Variants in EYS observed in about 807,000 individuals in gnomAD.
EYS encodes protein eyes shut homolog.
EYS carries 250 observed loss-of-function variants against 282.1 expected under a neutral mutation model. That is an observed-to-expected ratio of 0.89 (90% CI 0.80 to 0.98). The LOEUF (loss-of-function observed/expected upper bound fraction) is 0.98. EYS is among the 50% of genes least tolerant of loss of function. The pLI is 0.00. For synonymous variants in EYS, 1,355 were observed against 1,282.9 expected, an observed-to-expected ratio of 1.06 and a Z score of -1.20; for missense variants, 4,016 against 3,709.0, an observed-to-expected ratio of 1.08 and a Z score of -2.15.
intron 11 of EYS, among the ~76,000 whole-genome samples, chr6:65,309,135 A>G (rs1241246424): frequency 2.0e-5 from 3 of 152,216 alleles, no homozygotes; most frequent in Non-Finnish European, 1.5e-5. Flanking sequence ...ACAGAATGTT[A>G]TGAGATAGCT....
intron 26 of EYS, among the ~76,000 whole-genome samples, chr6:64,467,386 A>G (rs981213112): frequency 2.0e-5 from 3 of 152,206 alleles, no homozygotes; most frequent in African/African-American, 4.8e-5. Context: ...AGAAAAATTT[A>G]ATTTTTTTAC....
At chr6:64,376,733 C>A (rs918476600) in intron 29 of EYS, among the ~76,000 whole-genome samples, 1 of 152,146 alleles carries the variant, frequency 6.6e-6, no homozygotes, top group Admixed American at 6.5e-5. Context: ...CTAATTGGTA[C>A]AAAAGTAGAT....
intron 1 of EYS, among the ~76,000 whole-genome samples, chr6:65,681,971 T>G (rs900654615): frequency 7.9e-5 from 12 of 152,052 alleles, no homozygotes; most frequent in African/African-American, 2.9e-4. Context: ...CACAGCCTAA[T>G]CACGTTGACC....
chr6:63,913,790 G>A (rs1384153666), intron 35 of EYS, among the ~76,000 whole-genome samples: 3 of 152,108 alleles, frequency 2.0e-5, no homozygotes, highest in Non-Finnish European at 2.9e-5. Context: ...GAATATTCAG[G>A]TACAGACATA....
At chr6:65,506,782 T>C (rs1766676596) in intron 2 of EYS, among the ~76,000 whole-genome samples, 1 of 152,050 alleles carries the variant, frequency 6.6e-6, no homozygotes, top group Admixed American at 6.6e-5. Context: ...ACAATATCCT[T>C]TTTTAACTAA....
chr6:64,585,168 C>A (rs533204234), intron 26 of EYS, among the ~76,000 whole-genome samples: 3 of 152,096 alleles, frequency 2.0e-5, no homozygotes, highest in African/African-American at 7.2e-5. Context: ...TCCTTGGCAG[C>A]AATAGGGATA....
At chr6:63,943,350 A>C (rs1045779046) in intron 35 of EYS, among the ~76,000 whole-genome samples, 2 of 152,212 alleles carry the variant, frequency 1.3e-5, no homozygotes, top group Non-Finnish European at 2.9e-5. Flanking sequence ...ATTTAATCAC[A>C]GAGTTGGTTG....
chr6:65,128,053 C>T (rs1423267227), intron 12 of EYS, among the ~76,000 whole-genome samples: 1 of 151,976 alleles, frequency 6.6e-6, no homozygotes, highest in Non-Finnish European at 1.5e-5. Context: ...GTAAGTAAAT[C>T]TGGTCTTCCA....
chr6:64,879,669 A>G (rs1165850632), intron 19 of EYS, among the ~76,000 whole-genome samples: 2 of 152,114 alleles, frequency 1.3e-5, no homozygotes, highest in Non-Finnish European at 2.9e-5. Context: ...AAATCCTCAA[A>G]TGAGCAAAAA....
At chr6:65,394,969 T>A (rs1410002102) in intron 7 of EYS, among the ~76,000 whole-genome samples, 1 of 152,160 alleles carries the variant, frequency 6.6e-6, no homozygotes, top group African/African-American at 2.4e-5. Flanking sequence ...GTCATAGTCA[T>A]AGCCAACCTT....
chr6:63,759,446 A>G lies in EYS; in HGVS notation c.8071+3015T>C, dbSNP rs1769576395. On this transcript the variant is annotated intron_variant, in intron 41 of 42. Coordinates refer to ENST00000503581, the MANE Select transcript of EYS (RefSeq NM_001142800.2). ...TGTTCATATAAACTTCAGAATTATTATATACATTTCACTTTCTCTCCGAGT... is the reference window on the plus strand; with the variant it reads ...TGTTCATATAAACTTCAGAATTATTGTATACATTTCACTTTCTCTCCGAGT... Among the ~76,000 whole-genome samples the G allele has an allele frequency of 3.3e-5, 5 of 152,146 alleles. No homozygotes were observed. In the South Asian group the frequency reaches 6.2e-4, roughly 19 times the overall value.
intron 12 of EYS, among the ~76,000 whole-genome samples, chr6:65,189,917 T>C (rs1562013099): frequency 6.6e-6 from 1 of 151,728 alleles, no homozygotes; most frequent in Non-Finnish European, 1.5e-5. Flanking sequence ...TCAAAACAAG[T>C]TGCAGACCAA....
In EYS at chr6:63,880,306, C is replaced by G. The variant is rs140323386; in HGVS notation, c.7056-15948G>C. ...TTCCAGCCTACATTTTTCTCCTGTG[C>G]TTGGATGCTTCCTGCCCTCAAACAT... is the stretch of plus-strand genomic sequence containing the variant. On this transcript the variant is annotated intron_variant, in intron 35 of 42. Coordinates refer to ENST00000503581, the MANE Select transcript of EYS (RefSeq NM_001142800.2). Among the ~76,000 whole-genome samples, 115 of 152,272 alleles carry G rather than the reference C, an allele frequency of 7.6e-4. 1 individual carries two copies. The East Asian group carries it at 0.019, about 25-fold the overall frequency.
chr6:65,190,567 C>T (rs1188481107), intron 12 of EYS, among the ~76,000 whole-genome samples: 1 of 151,470 alleles, frequency 6.6e-6, no homozygotes, highest in Non-Finnish European at 1.5e-5. Flanking sequence ...CTTCAGATGT[C>T]CCCAATTTTA....
chr6:65,453,933 T>G (rs1764506201), intron 5 of EYS, among the ~76,000 whole-genome samples: 1 of 151,958 alleles, frequency 6.6e-6, no homozygotes, highest in South Asian at 2.1e-4. Context: ...CGTCCCTTGT[T>G]GGACTTTTAG....
intron 13 of EYS, among the ~76,000 whole-genome samples, chr6:65,010,161 C>T (rs947078129): frequency 6.6e-6 from 1 of 152,204 alleles, no homozygotes; most frequent in South Asian, 2.1e-4. Context: ...AGTCCTTACA[C>T]AGGTCCGAGG....
rs1324005773 is a variant in EYS at position 64,591,693 on chromosome 6, G to A, written c.4174C>T (p.Pro1392Ser). Reference protein sequence around the residue: ...FFFPDRRARTPFIMSSLMSDF... With the variant: ...FFFPDRRARTSFIMSSLMSDF... ...GACATTAAGGAAGACATGATAAATG[G>A]GGTCCTTGCTCTCCTATCAGGAAAA... The change falls in exon 26 of 43, where the codon CCA becomes TCA. Residue 1392 changes from proline (P) to serine (S), a missense_variant. Pro to Ser is a moderately conservative substitution (Grantham distance 74). Transcript: ENST00000503581. 6.4e-7 allele frequency: 1 copy of A among 1,551,364 alleles called. No individual in the cohort carries two copies. Among genetic ancestry groups the A allele is most frequent in the Non-Finnish European group, 8.7e-7 (1 of 1,146,780 alleles).
chr6:63,969,009 G>C (rs1766432601), intron 35 of EYS, among the ~76,000 whole-genome samples: 1 of 152,148 alleles, frequency 6.6e-6, no homozygotes, highest in Non-Finnish European at 1.5e-5. Context: ...TGAGCTTGTG[G>C]TGATGATGCA....
At chr6:65,606,335 A>G (rs895811555) in intron 2 of EYS, among the ~76,000 whole-genome samples, 1 of 151,908 alleles carries the variant, frequency 6.6e-6, no homozygotes, top group Non-Finnish European at 1.5e-5. Flanking sequence ...ATTCCAAGCC[A>G]TACTAAAATG....
Sources: allele counts gnomAD v4.1 joint callset (sites outside exome capture counted in the v4.1 genomes callset), GRCh38; gene constraint gnomAD v4.1.1; transcripts MANE v1.5; gene names NCBI Gene and HGNC (gene_info 2026-07-23, HGNC 2026-07-21).